DYM: variants seen among roughly 807,000 people sequenced by gnomAD.
DYM encodes the protein dyggve-Melchior-Clausen syndrome protein.
Under a neutral mutation model 93.1 loss-of-function variants are expected in DYM, and 78 were observed. The ratio of observed to expected loss-of-function variants is 0.84; its 90% CI spans 0.70 to 1.01. The LOEUF (loss-of-function observed/expected upper bound fraction) is 1.01. Ranked by LOEUF, DYM falls within the 50% of genes least tolerant of loss-of-function variation. The pLI, the probability that DYM is intolerant of heterozygous loss-of-function variation, is 0.00. For synonymous variants in DYM, 321 were observed against 319.7 expected, an observed-to-expected ratio of 1.00 and a Z score of -0.04; for missense variants, 789 against 845.0, an observed-to-expected ratio of 0.93 and a Z score of 0.82.
At chr18:49,275,295 T>G (rs1386879509) in intron 10 of DYM, among the ~76,000 whole-genome samples, 2 of 152,180 alleles carry the variant, frequency 1.3e-5, no homozygotes, top group Non-Finnish European at 2.9e-5. Flanking sequence ...TGGGTTTATT[T>G]CTAGACTCTC....
Position 49,423,468 on chromosome 18 carries a change from T to C in DYM, c.140+6787A>G, listed in dbSNP as rs1239675616. 4.3e-4 allele frequency among the ~76,000 whole-genome samples: 66 copies of C among 151,980 alleles called. 2 individuals are homozygous for C. The highest frequency in any genetic ancestry group is 1.3e-4 in the Non-Finnish European group (9 of 67,994). On this transcript the variant is annotated intron_variant, in intron 2 of 17. Coordinates refer to ENST00000675505, the MANE Select transcript of DYM (RefSeq NM_001353214.3). ...GAAAGATCTAAAATTGACAACCTAA[T>C]GTCACAATTAAAAGAACTAGAGAAG...
At chr18:49,340,402 C>T (rs2064020489) in intron 6 of DYM, among the ~76,000 whole-genome samples, 4 of 152,014 alleles carry the variant, frequency 2.6e-5, no homozygotes, top group South Asian at 2.1e-4. Context: ...TACATGTACA[C>T]ATACGAATAA....
intron 11 of DYM, among the ~76,000 whole-genome samples, chr18:49,263,020 G>C (rs1307594251): frequency 1.3e-5 from 2 of 152,116 alleles, no homozygotes; most frequent in Non-Finnish European, 2.9e-5. Flanking sequence ...CCTCAGTTCA[G>C]GAATCACACA....
intron 1 of DYM, among the ~76,000 whole-genome samples, chr18:49,459,105 C>T (rs367677939): frequency 9.9e-5 from 15 of 152,268 alleles, no homozygotes; most frequent in African/African-American, 3.1e-4. Context: ...ACCTATATGT[C>T]GTAACAACAC....
intron 14 of DYM, among the ~76,000 whole-genome samples, chr18:49,202,875 G>A (rs1426468573): frequency 2.7e-5 from 3 of 109,770 alleles, no homozygotes; most frequent in Non-Finnish European, 6.1e-5. Flanking sequence ...GTCTCCGCCC[G>A]GCAGCCACCC....
intron 7 of DYM, 51 bp downstream of exon 7, chr18:49,333,677 A>G (rs753028083): frequency 6.3e-7 from 1 of 1,577,888 alleles, no homozygotes; most frequent in East Asian, 2.2e-5. Context: ...AAGACTAGAA[A>G]TATAGATTTA....
At chr18:49,261,029 T>A (rs1195564385) in intron 11 of DYM, among the ~76,000 whole-genome samples, 2 of 152,030 alleles carry the variant, frequency 1.3e-5, no homozygotes, top group Non-Finnish European at 2.9e-5. Context: ...TAAATCTAAA[T>A]AATATACTAA....
At chr18:49,392,929 A>G (rs2069457398) in intron 2 of DYM, among the ~76,000 whole-genome samples, 1 of 148,952 alleles carries the variant, frequency 6.7e-6, no homozygotes, top group Non-Finnish European at 1.5e-5. Flanking sequence ...CAGGAGGCAG[A>G]GGTTACAGTG....
At chr18:49,297,540 A>G (rs1418376965) in intron 8 of DYM, among the ~76,000 whole-genome samples, 1 of 152,204 alleles carries the variant, frequency 6.6e-6, no homozygotes, top group Non-Finnish European at 1.5e-5. Flanking sequence ...GCACTTTTCT[A>G]TATGTTACAC....
intron 13 of DYM, among the ~76,000 whole-genome samples, chr18:49,220,750 T>C (rs1319032525): frequency 6.6e-6 from 1 of 152,116 alleles, no homozygotes; most frequent in Non-Finnish European, 1.5e-5. Flanking sequence ...ATACAAAAAT[T>C]AATTCAAGAT....
chr18:49,036,928 G>C lies in DYM; in HGVS notation c.*7127C>G, dbSNP rs2070725101. On this transcript the variant is annotated 3_prime_UTR_variant, in exon 18 of 18. Coordinates refer to ENST00000675505, the MANE Select transcript of DYM (RefSeq NM_001353214.3). ...TTTTATTTATTTATTTTGGGACGGAGTCTCGCTCTGTTGCCCAGGCTGGAG... is the reference window on the plus strand; with the variant it reads ...TTTTATTTATTTATTTTGGGACGGACTCTCGCTCTGTTGCCCAGGCTGGAG... 6.7e-6 allele frequency among the ~76,000 whole-genome samples: 1 copy of C among 149,306 alleles called. No homozygotes were observed. The highest frequency in any genetic ancestry group is 2.1e-4 in the South Asian group (1 of 4,670).
At chr18:49,404,504 C>A (rs1360768166) in intron 2 of DYM, among the ~76,000 whole-genome samples, 3 of 152,156 alleles carry the variant, frequency 2.0e-5, no homozygotes, top group African/African-American at 7.2e-5. Context: ...AGACTGCTTT[C>A]CATGGTGGCT....
At chr18:49,094,752 T>C (rs777348177) in intron 17 of DYM, among the ~76,000 whole-genome samples, 10 of 152,206 alleles carry the variant, frequency 6.6e-5, no homozygotes, top group Non-Finnish European at 1.3e-4. Context: ...GATCTTACTG[T>C]TTACTTGCCC....
chr18:49,256,962 T>C, intron 13 of DYM, 48 bp downstream of exon 13: 1 of 1,488,966 alleles, frequency 6.7e-7, no homozygotes, highest in Non-Finnish European at 9.4e-7. Context: ...TCCATCTTAA[T>C]AGCTCAGCCA....
At chr18:49,313,721 G>T (rs1004680288) in intron 8 of DYM, among the ~76,000 whole-genome samples, 2 of 152,000 alleles carry the variant, frequency 1.3e-5, no homozygotes, top group Admixed American at 1.3e-4. Flanking sequence ...GATTCACCTA[G>T]AATTCTTTCT....
chr18:49,409,935 G>A (rs77451458), intron 2 of DYM, among the ~76,000 whole-genome samples: 16,620 of 152,144 alleles, frequency 0.11, 1,456 homozygotes, highest in East Asian at 0.32. Flanking sequence ...GAGCCTATAC[G>A]TAGTACCTAA....
At chr18:49,277,568 G>C (rs1000383666) in intron 10 of DYM, among the ~76,000 whole-genome samples, 10 of 152,164 alleles carry the variant, frequency 6.6e-5, no homozygotes, top group African/African-American at 2.4e-4. Context: ...AGGTAACAGG[G>C]GTGGAGCCCT....
intron 14 of DYM, among the ~76,000 whole-genome samples, chr18:49,168,027 G>A (rs551103695): frequency 6.6e-6 from 1 of 151,862 alleles, no homozygotes; most frequent in African/African-American, 2.4e-5. Context: ...AAAATAAGCA[G>A]GAATCCTTAG....
chr18:49,175,425 T>C (rs1021353694), intron 14 of DYM, among the ~76,000 whole-genome samples: 1 of 152,276 alleles, frequency 6.6e-6, no homozygotes, highest in Non-Finnish European at 1.5e-5. Flanking sequence ...TAACAATCTT[T>C]ACTAAGAACA....
Sources: allele counts gnomAD v4.1 joint callset (sites outside exome capture counted in the v4.1 genomes callset), GRCh38; gene constraint gnomAD v4.1.1; transcripts MANE v1.5; gene names NCBI Gene and HGNC (gene_info 2026-07-23, HGNC 2026-07-21).